The following SLC17A4 variants were observed in gnomAD, a reference collection of about 807,000 sequenced individuals.
SLC17A4 encodes the protein solute carrier family 17 member 4, also known as probable small intestine urate exporter.
Under a neutral mutation model 52.5 loss-of-function variants are expected in SLC17A4, and 33 were observed. The ratio of observed to expected loss-of-function variants is 0.63; its 90% CI spans 0.48 to 0.84. SLC17A4 has a LOEUF of 0.84. Ranked by LOEUF, SLC17A4 falls within the 40% of genes least tolerant of loss-of-function variation. SLC17A4 has a pLI of 0.00. For synonymous variants in SLC17A4, 225 were observed against 216.2 expected, an observed-to-expected ratio of 1.04 and a Z score of -0.36; for missense variants, 585 against 597.1, an observed-to-expected ratio of 0.98 and a Z score of 0.21.
chr6:25,776,668 T>G lies in SLC17A4; in HGVS notation c.1061T>G (p.Phe354Cys), dbSNP rs1762948634. 2 of 1,613,796 alleles carry G rather than the reference T, an allele frequency of 1.2e-6. No homozygotes were observed. The highest frequency in any genetic ancestry group is 2.7e-5 in the African/African-American group (2 of 74,892). ...CIILGGLLADFLLSRKILRLI... is the reference protein window; with the variant it reads ...CIILGGLLADCLLSRKILRLI... The stretch of plus-strand genomic sequence containing the variant: ...ATCCTTGGAGGTCTACTGGCAGACT[T>G]TCTTCTCTCCAGAAAAATCCTCAGA... Residue 354 changes from phenylalanine to cysteine, a missense_variant, in exon 9 of 12, where the codon TTT (phenylalanine) becomes TGT (cysteine). By Grantham distance (205) the Phe-to-Cys change is radical. Coordinates refer to ENST00000377905, the MANE Select transcript of SLC17A4 (RefSeq NM_005495.3).
At position 25,778,017 on chromosome 6, in the gene SLC17A4, G is replaced by A; in HGVS notation, c.1359+1G>A. ...TGCTGCTGGATTTTTCATCAGTCAG[G>A]TGAGGTCAAATGTTCTGATGAATAT... is the stretch of plus-strand genomic sequence containing the variant. On this transcript the variant is annotated splice_donor_variant, in intron 11 of 11. Transcript: ENST00000377905. LOFTEE classifies it high-confidence loss of function. The A allele has an allele frequency of 6.3e-7, 1 of 1,576,564 alleles. No individual in the cohort carries two copies. The highest frequency in any genetic ancestry group is 8.7e-7 in the Non-Finnish European group (1 of 1,151,400).
At position 25,770,431 on chromosome 6, in the gene SLC17A4, C is replaced by T. The variant is rs150895210; in HGVS notation, c.579C>T (p.Pro193=). ...GQYSIWVKWA[P]PLERSQLTTI... is the part of the protein sequence containing the mutation. ...ATTCAATTTGGGTCAAATGGGCTCC[C>T]CCACTGGAAAGGAGTCAACTCACCA... Residue 193 remains proline (P), a synonymous_variant, in exon 5 of 12, where the codon CCC becomes CCT. Coordinates refer to ENST00000377905, the MANE Select transcript of SLC17A4 (RefSeq NM_005495.3). 71 of 1,613,978 alleles carry T rather than the reference C, an allele frequency of 4.4e-5. No homozygotes were observed. The African/African-American group carries it at 7.2e-4, about 16-fold the overall frequency.
intron 8 of SLC17A4, among the ~76,000 whole-genome samples, 194 bp from the exon 9 acceptor site, chr6:25,776,401 T>TC (rs1235592104): frequency 2.7e-5 from 4 of 150,772 alleles, no homozygotes; most frequent in Non-Finnish European, 5.9e-5. Context: ...GCCTTGTTCT[T>TC]TTTTTTTTGC....
chr6:25,771,036 A>C (rs748477046), intron 6 of SLC17A4, 24 bp downstream of exon 6: 8 of 1,577,324 alleles, frequency 5.1e-6, no homozygotes, highest in Admixed American at 1.7e-5. Context: ...TCAAATCTCC[A>C]ATTTTTATGA....
chr6:25,774,581 C>T (rs1011202159), intron 8 of SLC17A4, among the ~76,000 whole-genome samples: 2 of 152,170 alleles, frequency 1.3e-5, no homozygotes, highest in East Asian at 3.9e-4. Context: ...AGAAATTAAA[C>T]CAGAACCTTA....
chr6:25,777,564 AAAC>A (rs143345736), intron 10 of SLC17A4: 5,646 of 161,998 alleles, frequency 0.035, 183 homozygotes, highest in African/African-American at 0.089. Flanking sequence ...GCAGAAGCCA[AAAC>A]AACAACAACA....
At chr6:25,773,218 T>C (rs866225856) in intron 6 of SLC17A4, 57 bp from the exon 7 acceptor site, 1 of 1,346,006 alleles carries the variant, frequency 7.4e-7, no homozygotes, top group Middle Eastern at 1.8e-4. Context: ...CATCTTAGAG[T>C]CAAACTGAAA....
intron 1 of SLC17A4, among the ~76,000 whole-genome samples, chr6:25,756,839 G>A (rs1291555866): frequency 1.7e-4 from 26 of 152,138 alleles, no homozygotes; most frequent in Admixed American, 1.5e-3. Context: ...TTAGACATTG[G>A]AACACTCGAA....
chr6:25,773,272 TA>T lies in SLC17A4; in HGVS notation c.707-2del. On this transcript the variant is annotated splice_acceptor_variant, in intron 6 of 11. Coordinates refer to ENST00000377905, the MANE Select transcript of SLC17A4 (RefSeq NM_005495.3). LOFTEE classifies it high-confidence loss of function. ...CAGTGCTAACTGGATCCCCTTTTCC[TA>T]GGAGGAATTGGCTGTGCTTGTTGTC... 6.2e-7 allele frequency: 1 copy of T among 1,611,760 alleles called. No homozygotes were observed. The highest frequency in any genetic ancestry group is 8.5e-7 in the Non-Finnish European group (1 of 1,177,856).
chr6:25,758,944 C>A (rs1262970450), intron 1 of SLC17A4, among the ~76,000 whole-genome samples: 1 of 152,126 alleles, frequency 6.6e-6, no homozygotes, highest in East Asian at 1.9e-4. Context: ...ATGGTATGAA[C>A]TTTCCTCTTA....
In SLC17A4 at chr6:25,776,723, C is replaced by A; in HGVS notation, c.1116C>A (p.Ala372=). 6.2e-7 allele frequency: 1 copy of A among 1,613,940 alleles called. No homozygotes were observed. The highest frequency in any genetic ancestry group is 8.5e-7 in the Non-Finnish European group (1 of 1,179,888). ...TCACCATCAGGAAACTCTTCACTGC[C>A]ATTGGTAAGGGAGAGACTGGACACA... The part of the protein sequence containing the change: ...RLITIRKLFT[A]IGVLFPSVIL... Residue 372 remains alanine (A), a synonymous_variant, in exon 9 of 12, where the codon GCC becomes GCA. Coordinates refer to ENST00000377905, the MANE Select transcript of SLC17A4 (RefSeq NM_005495.3).
chr6:25,772,871 A>G (rs1224525988), intron 6 of SLC17A4, among the ~76,000 whole-genome samples: 1 of 152,066 alleles, frequency 6.6e-6, no homozygotes, highest in Admixed American at 6.6e-5. Context: ...ACCTCCCAAA[A>G]CTCAATGGTT....
At chr6:25,768,394 G>A (rs1036118756) in intron 2 of SLC17A4, 1 of 987,522 alleles carries the variant, frequency 1.0e-6, no homozygotes, top group African/African-American at 1.7e-5. Context: ...CTCAACCACA[G>A]GGATATCCCC....
At chr6:25,768,572 A>G (rs1762213206) in intron 2 of SLC17A4, 1 of 233,012 alleles carries the variant, frequency 4.3e-6, no homozygotes, top group Non-Finnish European at 7.5e-6. Flanking sequence ...TGGCACTTCC[A>G]GCTATCCCAG....
At chr6:25,757,985 G>A (rs190002409) in intron 1 of SLC17A4, among the ~76,000 whole-genome samples, 2 of 152,282 alleles carry the variant, frequency 1.3e-5, no homozygotes, top group African/African-American at 2.4e-5. Context: ...TGAGTCATCC[G>A]TATCTGGTTC....
chr6:25,771,999 A>G (rs556417078), intron 6 of SLC17A4, among the ~76,000 whole-genome samples: 2 of 152,270 alleles, frequency 1.3e-5, no homozygotes, highest in Admixed American at 1.3e-4. Flanking sequence ...TCGCACCCCT[A>G]AATTGTTTAT....
In SLC17A4 at chr6:25,779,894, G is replaced by A. The variant is rs1315826790; in HGVS notation, c.*706G>A. 6.6e-6 allele frequency: 1 copy of A among 152,162 alleles called. No individual in the cohort carries two copies. Among genetic ancestry groups the A allele is most frequent in the African/African-American group, 2.4e-5 (1 of 41,430 alleles). 9.4% of individuals were successfully genotyped at this position (152,162 alleles called of 1,614,324 possible). ...TGTTAGTGAACAGACATTGCCCAGT[G>A]TCTCTTCTAGCCCCTCCAACAGTTC... On this transcript the variant is annotated 3_prime_UTR_variant, in exon 12 of 12. Transcript: ENST00000377905.
rs773514064 is a variant in SLC17A4 at position 25,762,027 on chromosome 6, T to G, written c.65T>G (p.Val22Gly). The G allele has an allele frequency of 4.5e-5, 72 of 1,613,308 alleles. No individual in the cohort carries two copies. Among genetic ancestry groups the G allele is most frequent in the Admixed American group, 1.0e-4 (6 of 59,930 alleles). Residue 22 changes from valine to glycine, a missense_variant, in exon 2 of 12, where the codon GTG becomes GGG. Transcript: ENST00000377905. Reference protein sequence around the residue: ...GDISSDGNLNVAQEECSRKGF... With the variant: ...GDISSDGNLNGAQEECSRKGF... ...ATTTCCAGTGATGGCAATTTAAACG[T>G]GGCTCAAGAGGAATGCTCCAGGAAA...
intron 1 of SLC17A4, among the ~76,000 whole-genome samples, chr6:25,756,847 G>A (rs865831996): frequency 6.6e-6 from 1 of 152,166 alleles, no homozygotes; most frequent in Non-Finnish European, 1.5e-5. Flanking sequence ...TGGAACACTC[G>A]AAGAGTCTGT....
Sources: allele counts gnomAD v4.1 joint callset (sites outside exome capture counted in the v4.1 genomes callset), GRCh38; gene constraint gnomAD v4.1.1; transcripts MANE v1.5; gene names NCBI Gene and HGNC (gene_info 2026-07-23, HGNC 2026-07-21).